KPNA7: variants seen among roughly 807,000 people sequenced by gnomAD.
KPNA7 encodes the protein karyopherin subunit alpha 7.
A neutral mutation model predicts 53.7 loss-of-function variants in KPNA7; 54 were observed. That is an observed-to-expected ratio of 1.01 (90% CI 0.81 to 1.26). The LOEUF is 1.26. KPNA7 is among the 50% of genes most tolerant of loss of function. The pLI, the probability that KPNA7 is intolerant of heterozygous loss-of-function variation, is 0.00. For missense variants in KPNA7, 640 were observed against 644.5 expected, an observed-to-expected ratio of 0.99 and a Z score of 0.07; for synonymous variants, 276 against 259.3, an observed-to-expected ratio of 1.06 and a Z score of -0.62.
chr7:99,159,537 C>T, the KPNA7 span, among the ~76,000 whole-genome samples: 1 of 152,042 alleles, frequency 6.6e-6, no homozygotes. Context: ...CTATCACCAG[C>T]CCTGGTAACC....
intron 8 of KPNA7, among the ~76,000 whole-genome samples, chr7:99,183,859 T>G (rs933889392): frequency 1.3e-5 from 2 of 152,148 alleles, no homozygotes; most frequent in African/African-American, 4.8e-5. Flanking sequence ...TTGTTTTTGT[T>G]TTTTTGCGAC....
At chr7:99,156,281 A>G in the KPNA7 span, among the ~76,000 whole-genome samples, 1 of 152,204 alleles carries the variant, frequency 6.6e-6, no homozygotes, top group Non-Finnish European at 1.5e-5. Context: ...ATTTATGGTT[A>G]TAATTTTCCC....
chr7:99,195,097 C>T lies in KPNA7; in HGVS notation c.526G>A (p.Ala176Thr). 1.3e-6 allele frequency: 2 copies of T among 1,551,618 alleles called. No individual in the cohort carries two copies. Among genetic ancestry groups the T allele is most frequent in the Non-Finnish European group, 1.7e-6 (2 of 1,146,984 alleles). The change falls in exon 5 of 11, where the codon GCA becomes ACA. Residue 176 changes from alanine to threonine, a missense_variant. Physicochemically the swap from Ala to Thr is moderately conservative, Grantham distance 58. Transcript: ENST00000327442. Reference sequence around the variant, plus strand: ...GCTATATTACCAAGAGCCCACACTGCCTGTTCACACACAGCCACGTTGGAG... The same window carrying T: ...GCTATATTACCAAGAGCCCACACTGTCTGTTCACACACAGCCACGTTGGAG... ...SSSNVAVCEQ[A>T]VWALGNIAGD...
chr7:99,191,356 G>A (rs543949069), intron 6 of KPNA7, among the ~76,000 whole-genome samples: 34 of 152,064 alleles, frequency 2.2e-4, no homozygotes, highest in African/African-American at 2.4e-4. Flanking sequence ...GGGTTTCACC[G>A]TGTTGGCCAG....
intron 2 of KPNA7, among the ~76,000 whole-genome samples, chr7:99,205,467 G>C (rs1790759967): frequency 1.3e-5 from 2 of 151,022 alleles, no homozygotes; most frequent in African/African-American, 4.9e-5. Flanking sequence ...GCCTAACCAG[G>C]CTGCTGTGAC....
chr7:99,177,628 C>T (rs943574054), intron 10 of KPNA7, among the ~76,000 whole-genome samples: 2 of 149,746 alleles, frequency 1.3e-5, no homozygotes, highest in Admixed American at 6.7e-5. Context: ...CTCTCCCCTG[C>T]CATACCTCTC....
At chr7:99,204,411 C>A (rs878981230) in intron 2 of KPNA7, among the ~76,000 whole-genome samples, 1 of 151,830 alleles carries the variant, frequency 6.6e-6, no homozygotes. Flanking sequence ...CTCCCCTCCC[C>A]GATCTTATGT....
chr7:99,195,359 C>A, intron 4 of KPNA7, 21 bp from the exon 5 acceptor site: 1 of 1,546,780 alleles, frequency 6.5e-7, no homozygotes, highest in Non-Finnish European at 8.7e-7. Context: ...AAAGAGAGGG[C>A]AGGGGAGGGG....
At chr7:99,189,707 A>G (rs975694855) in intron 6 of KPNA7, among the ~76,000 whole-genome samples, 1 of 151,916 alleles carries the variant, frequency 6.6e-6, no homozygotes, top group Non-Finnish European at 1.5e-5. Context: ...CTACAGCCTC[A>G]ACCTCCCAGG....
the KPNA7 span, among the ~76,000 whole-genome samples, chr7:99,161,480 A>G: frequency 6.6e-6 from 1 of 152,204 alleles, no homozygotes; most frequent in Non-Finnish European, 1.5e-5. Flanking sequence ...GCTTAAGTCC[A>G]ACCTCATAAA....
the KPNA7 span, among the ~76,000 whole-genome samples, chr7:99,162,909 G>A: frequency 1.3e-5 from 2 of 152,076 alleles, no homozygotes; most frequent in African/African-American, 4.8e-5. Flanking sequence ...GGCTGGACAC[G>A]GTAGCTCACG....
At chr7:99,191,284 A>G (rs1399311112) in intron 6 of KPNA7, among the ~76,000 whole-genome samples, 1 of 151,632 alleles carries the variant, frequency 6.6e-6, no homozygotes, top group African/African-American at 2.4e-5. Context: ...CAGCCTCCTG[A>G]GTAGCTGGGA....
rs1168254533 is a variant in KPNA7 at position 99,195,100 on chromosome 7, G to A, written c.523C>T (p.Gln175Ter). 6.4e-7 allele frequency: 1 copy of A among 1,551,616 alleles called. No individual in the cohort carries two copies. The highest frequency in any genetic ancestry group is 8.7e-7 in the Non-Finnish European group (1 of 1,146,986). ...LSSSNVAVCE[Q>*]AVWALGNIAG... ...ATATTACCAAGAGCCCACACTGCCT[G>A]TTCACACACAGCCACGTTGGAGGAA... The change falls in exon 5 of 11, where the codon CAG becomes TAG. Residue 175 changes from glutamine (Q) to a stop codon, truncating the protein, a stop_gained. Transcript: ENST00000327442. LOFTEE classifies it high-confidence loss of function.
In KPNA7 at chr7:99,188,507, GTTC is replaced by G. The variant is rs1789757905; in HGVS notation, c.690_692del (p.Lys230del). The G allele has an allele frequency of 6.4e-7, 1 of 1,551,710 alleles. No homozygotes were observed. The highest frequency in any genetic ancestry group is 8.7e-7 in the Non-Finnish European group (1 of 1,147,006). Reference sequence around the variant, plus strand: ...TCACCGCAGTGTCGCAAGGGTATGGGTTCTTGTTTCGGCACAGATTCGACAAGG... The same window carrying G: ...TCACCGCAGTGTCGCAAGGGTATGGGTTGTTTCGGCACAGATTCGACAAGG... On this transcript the variant is annotated inframe_deletion, in exon 7 of 11. Transcript: ENST00000327442.
At chr7:99,195,413 G>A in intron 4 of KPNA7, 75 bp from the exon 5 acceptor site, 3 of 1,391,116 alleles carry the variant, frequency 2.2e-6, no homozygotes, top group Non-Finnish European at 2.0e-6. Flanking sequence ...TTTAGGCCAG[G>A]TGCGGTGGCT....
intron 7 of KPNA7, among the ~76,000 whole-genome samples, chr7:99,186,903 A>G (rs944609790): frequency 6.6e-6 from 1 of 152,238 alleles, no homozygotes; most frequent in African/African-American, 2.4e-5. Context: ...TAAAATATTA[A>G]GAAAATAAAG....
chr7:99,200,989 C>A (rs1003462876), intron 3 of KPNA7, among the ~76,000 whole-genome samples: 1 of 151,992 alleles, frequency 6.6e-6, no homozygotes, highest in Non-Finnish European at 1.5e-5. Context: ...AATGGATAAA[C>A]AAAATGTGGT....
chr7:99,155,195 TCTA>T, the KPNA7 span, among the ~76,000 whole-genome samples: 5 of 152,218 alleles, frequency 3.3e-5, no homozygotes, highest in Non-Finnish European at 7.3e-5. Context: ...TTTCAGTTCT[TCTA>T]TTTCTACTTT....
chr7:99,152,361 A>AT, the KPNA7 span, among the ~76,000 whole-genome samples: 1 of 151,870 alleles, frequency 6.6e-6, no homozygotes, highest in South Asian at 2.1e-4. Flanking sequence ...CCGTCTCAAA[A>AT]AAAAAAAGAA....
Sources: gnomAD v4.1 joint callset for allele counts (sites outside exome capture counted in the v4.1 genomes callset) on GRCh38, gnomAD v4.1.1 for gene constraint, MANE v1.5 for transcripts, NCBI Gene and HGNC (gene_info 2026-07-23, HGNC 2026-07-21) for gene names.